The following KLHL33 variants were observed in gnomAD, a reference collection of about 807,000 sequenced individuals.
KLHL33 encodes kelch like family member 33, also known as kelch-like protein 33.
Under a neutral mutation model 60.8 loss-of-function variants are expected in KLHL33, and 46 were observed. The observed-to-expected ratio is 0.76, with a 90% CI of 0.60 to 0.97. The LOEUF (loss-of-function observed/expected upper bound fraction) is 0.97. Among genes scored for constraint, KLHL33 ranks in the 50% least tolerant of loss-of-function variants. KLHL33 has a pLI of 0.00. For synonymous variants in KLHL33, 434 were observed against 432.2 expected, an observed-to-expected ratio of 1.00 and a Z score of -0.05; for missense variants, 1,055 against 1,000.0, an observed-to-expected ratio of 1.05 and a Z score of -0.74.
At position 20,427,725 on chromosome 14, in the gene KLHL33, G is replaced by A. The variant is rs190421534; in HGVS notation, c.*1124C>T. 1.5e-4 allele frequency: 23 copies of A among 152,202 alleles called. No individual in the cohort carries two copies. Among genetic ancestry groups the A allele is most frequent in the Admixed American group, 1.1e-3 (17 of 15,286 alleles). 9.4% of individuals were successfully genotyped at this position (152,202 alleles called of 1,614,324 possible). ...GGAGCTCTCTGACCTCTGTATCTTG[G>A]TGCCTCCTACAGTGCCTGCCACACA... On this transcript the variant is annotated 3_prime_UTR_variant, in exon 5 of 5. Coordinates refer to ENST00000636854, the MANE Select transcript of KLHL33 (RefSeq NM_001365790.2).
intron 1 of KLHL33, 37 bp from the exon 2 acceptor site, chr14:20,435,867 A>T (rs1880679910): frequency 8.1e-7 from 1 of 1,230,812 alleles, no homozygotes; most frequent in African/African-American, 1.6e-5. Flanking sequence ...CTGGCGTCAG[A>T]GCTGGGCCCA....
chr14:20,429,716 G>T, intron 3 of KLHL33, 47 bp from the exon 4 acceptor site: 1 of 1,537,392 alleles, frequency 6.5e-7, no homozygotes, highest in Non-Finnish European at 8.8e-7. Flanking sequence ...CTGGGCATCC[G>T]TGGTTGGCTA....
rs904584396 is a variant in KLHL33, at chr14:20,427,844, CACCTGACT to C, written c.*997_*1004del. 2 of 152,294 alleles carry C rather than the reference CACCTGACT, an allele frequency of 1.3e-5. No homozygotes were observed. Among genetic ancestry groups the C allele is most frequent in the Admixed American group, 6.5e-5 (1 of 15,272 alleles). 9.4% of individuals were successfully genotyped at this position (152,294 alleles called of 1,614,324 possible). A position where few individuals can be genotyped will look rare whatever the true frequency, so the allele number is the denominator to read the frequency against. ...GATGGGGGAAGAGAGAAAGAGGAAG[CACCTGACT>C]ACCTTCCCTGGCCAAGATAAAGGGA... On this transcript the variant is annotated 3_prime_UTR_variant, in exon 5 of 5. Coordinates refer to ENST00000636854, the MANE Select transcript of KLHL33 (RefSeq NM_001365790.2).
rs771468114 is a variant in KLHL33, at chr14:20,428,844, C to T, written c.*5G>A. 1,686 of 1,547,460 alleles carry T rather than the reference C, an allele frequency of 1.1e-3. No homozygotes were observed. Among genetic ancestry groups the T allele is most frequent in the Non-Finnish European group, 1.4e-3 (1,566 of 1,143,870 alleles). On this transcript the variant is annotated 3_prime_UTR_variant, in exon 5 of 5. Transcript: ENST00000636854. ...CTCCTCTCCCCATACACTGTTGCTC[C>T]CTCTTCACCCAGCAGGTTTGGTTTG...
At position 20,429,342 on chromosome 14, in the gene KLHL33, T is replaced by A; in HGVS notation, c.1901A>T (p.Gln634Leu). Residue 634 changes from glutamine (Q) to leucine (L), a missense_variant, in exon 5 of 5, where the codon CAG (glutamine) becomes CTG (leucine). Coordinates refer to ENST00000636854, the MANE Select transcript of KLHL33 (RefSeq NM_001365790.2). ...ACCACAGCCACCGCTCACGTACAAC[T>A]GGCCCTCCAAAATCGCAGCTGCGTG... is the stretch of plus-strand genomic sequence containing the variant. ...FAHAAAILEG[Q>L]LYVSGGCGGT... 6.4e-7 allele frequency: 1 copy of A among 1,551,730 alleles called. No homozygotes were observed. The highest frequency in any genetic ancestry group is 8.7e-7 in the Non-Finnish European group (1 of 1,146,998).
rs573523834 is a variant in KLHL33 at position 20,430,528 on chromosome 14, C to T, written c.940G>A (p.Ala314Thr). 2.5e-5 allele frequency: 39 copies of T among 1,544,880 alleles called. No homozygotes were observed. Among genetic ancestry groups the T allele is most frequent in the Non-Finnish European group, 3.1e-5 (36 of 1,147,030 alleles). Residue 314 changes from alanine (A) to threonine (T), a missense_variant, in exon 3 of 5, where the codon GCT becomes ACT. Physicochemically the swap from Ala to Thr is moderately conservative, Grantham distance 58. Transcript: ENST00000636854. Reference sequence around the variant, plus strand: ...CAGGAAGAGCTCTGGTACTGCAGAGCAGCCTGGGCAGCTCTCAGTAGCCCT... The same window carrying T: ...CAGGAAGAGCTCTGGTACTGCAGAGTAGCCTGGGCAGCTCTCAGTAGCCCT... ...WPGLLRAAQA[A>T]LQYQSSSCLD...
chr14:20,428,999 G>T lies in KLHL33; in HGVS notation c.2244C>A (p.Ile748=). ...GGCCCAGGCCAGGACAGTAGGCATG[G>T]ATAAGGTGAGAGAGGGCATAAGTAC... The part of the protein sequence containing the change: ...SHRTYALSHL[I]HAYCPGLGRW... The change falls in exon 5 of 5, where the codon ATC becomes ATA. Residue 748 remains isoleucine (I), a synonymous_variant. Transcript: ENST00000636854. 1 of 1,551,716 alleles carries T rather than the reference G, an allele frequency of 6.4e-7. No individual in the cohort carries two copies. Among genetic ancestry groups the T allele is most frequent in the Non-Finnish European group, 8.7e-7 (1 of 1,146,984 alleles).
Position 20,435,361 on chromosome 14 carries a change from G to C in KLHL33, c.451C>G (p.Pro151Ala). ...RLLGGGGPRP[P>A]FSLEVSPGGW... ...CCTGGGGACACCTCGAGGCTGAAGG[G>C]GGGCCGCGGACCTCCGCCGCCCAGC... The change falls in exon 2 of 5, where the codon CCC becomes GCC. Residue 151 changes from proline (P) to alanine (A), a missense_variant. Coordinates refer to ENST00000636854, the MANE Select transcript of KLHL33 (RefSeq NM_001365790.2). The C allele has an allele frequency of 4.1e-6, 5 of 1,234,294 alleles. No homozygotes were observed. Among genetic ancestry groups the C allele is most frequent in the Non-Finnish European group, 5.1e-6 (5 of 988,118 alleles). 76.5% of individuals were successfully genotyped at this position (1,234,294 alleles called of 1,614,324 possible). A position where few individuals can be genotyped will look rare whatever the true frequency, so the allele number is the denominator to read the frequency against.
chr14:20,432,926 A>AAAAGAAAGAAAGTAAG (rs1880556055), intron 2 of KLHL33, among the ~76,000 whole-genome samples: 1 of 104,672 alleles, frequency 9.6e-6, no homozygotes, highest in African/African-American at 3.8e-5. Context: ...CATCTCAAAA[A>AAAAGAAAGAAAGTAAG]AAAGAAAGAA....
In KLHL33 at chr14:20,430,658, C is replaced by T. The variant is rs1443425198; in HGVS notation, c.810G>A (p.Met270Ile). ...EFFGAMLLSGMRESQGTEVSL... is the reference protein window; with the variant it reads ...EFFGAMLLSGIRESQGTEVSL... ...ATACCTCTGTGCCCTGGGATTCCCT[C>T]ATCCCGCTCAGGAGCATGGCCCCAA... Residue 270 changes from methionine to isoleucine, a missense_variant, in exon 3 of 5, where the codon ATG becomes ATA. By Grantham distance (10) the Met-to-Ile change is conservative (BLOSUM62 1). Transcript: ENST00000636854. 1 of 1,535,022 alleles carries T rather than the reference C, an allele frequency of 6.5e-7. No homozygotes were observed.
chr14:20,430,193 ACATCGCAGCAGGG>A lies in KLHL33; in HGVS notation c.1262_1274del (p.Ala421ValfsTer24). ...TGGTGGACATGCGGCCAAAGCGGAC[ACATCGCAGCAGGG>A]CCTTGGCCTCTGACTCCTGGGTCTC... is the stretch of plus-strand genomic sequence containing the variant. On this transcript the variant is annotated frameshift_variant, in exon 3 of 5. Coordinates refer to ENST00000636854, the MANE Select transcript of KLHL33 (RefSeq NM_001365790.2). LOFTEE classifies it high-confidence loss of function. 6.4e-7 allele frequency: 1 copy of A among 1,551,558 alleles called. No homozygotes were observed. The highest frequency in any genetic ancestry group is 8.7e-7 in the Non-Finnish European group (1 of 1,146,984).
chr14:20,429,284 G>A lies in KLHL33; in HGVS notation c.1959C>T (p.His653=). 6.4e-7 allele frequency: 1 copy of A among 1,551,716 alleles called. No individual in the cohort carries two copies. Among genetic ancestry groups the A allele is most frequent in the Non-Finnish European group, 8.7e-7 (1 of 1,147,016 alleles). The part of the protein sequence containing the change: ...GTGQYLASLM[H]YDPKLEKPGT... ...CTGGCTTCTCAAGTTTGGGGTCATAGTGCATCAGTGAGGCCAGGTATTGGC... is the reference window on the plus strand; with the variant it reads ...CTGGCTTCTCAAGTTTGGGGTCATAATGCATCAGTGAGGCCAGGTATTGGC... Residue 653 remains histidine, a synonymous_variant, in exon 5 of 5, where the codon CAC becomes CAT. Transcript: ENST00000636854.
At position 20,435,359 on chromosome 14, in the gene KLHL33, G is replaced by A; in HGVS notation, c.453C>T (p.Pro151=). ...CCCCTGGGGACACCTCGAGGCTGAA[G>A]GGGGGCCGCGGACCTCCGCCGCCCA... ...RLLGGGGPRP[P]FSLEVSPGGW... is the part of the protein sequence containing the mutation. Residue 151 remains proline, a synonymous_variant, in exon 2 of 5, where the codon CCC becomes CCT. Coordinates refer to ENST00000636854, the MANE Select transcript of KLHL33 (RefSeq NM_001365790.2). 5 of 1,234,304 alleles carry A rather than the reference G, an allele frequency of 4.1e-6. No homozygotes were observed. Among genetic ancestry groups the A allele is most frequent in the Non-Finnish European group, 5.1e-6 (5 of 988,122 alleles). The allele number at this position is 1,234,304 out of a possible 1,614,324, so 76.5% of individuals were successfully genotyped here.
rs1207531968 is a variant in KLHL33, at chr14:20,425,908, T to C, written c.*2941A>G. 1 of 152,202 alleles carries C rather than the reference T, an allele frequency of 6.6e-6. No individual in the cohort carries two copies. Among genetic ancestry groups the C allele is most frequent in the East Asian group, 1.9e-4 (1 of 5,208 alleles). The allele number at this position is 152,202 out of a possible 1,614,324, so 9.4% of individuals were successfully genotyped here. ...GCCTTTAGGTACAAATCACAAAAAA[T>C]GTTCATAGAAGTTCATCCAGAGAGC... is the stretch of plus-strand genomic sequence containing the variant. On this transcript the variant is annotated 3_prime_UTR_variant, in exon 5 of 5. Transcript: ENST00000636854.
chr14:20,429,935 A>G lies in KLHL33; in HGVS notation c.1533T>C (p.Thr511=), dbSNP rs1379295479. The G allele has an allele frequency of 6.4e-7, 1 of 1,551,592 alleles. No homozygotes were observed. The highest frequency in any genetic ancestry group is 8.7e-7 in the Non-Finnish European group (1 of 1,147,010). ...GGGCAGGCAGCTGCCCCCACTCAACAGTTCGTACCAGTCCCACGCCACAGC... is the reference window on the plus strand; with the variant it reads ...GGGCAGGCAGCTGCCCCCACTCAACGGTTCGTACCAGTCCCACGCCACAGC... ...AFRCGVGLVR[T]VEWGQLPALP... The change falls in exon 3 of 5, where the codon ACT becomes ACC. Residue 511 remains threonine (T), a synonymous_variant. Coordinates refer to ENST00000636854, the MANE Select transcript of KLHL33 (RefSeq NM_001365790.2).
rs1566499211 is a variant in KLHL33, at chr14:20,429,544, A to G, written c.1799T>C (p.Leu600Pro). The G allele has an allele frequency of 6.4e-7, 1 of 1,552,230 alleles. No individual in the cohort carries two copies. ...AGGGTTGTAGGTCTCCACAGAGTCC[A>G]GGGCAACATCATTGTGTCTTCCACC... ...ALGGRHNDVA[L>P]DSVETYNPEL... The change falls in exon 4 of 5, where the codon CTG becomes CCG. Residue 600 changes from leucine (L) to proline (P), a missense_variant. Leu to Pro is a moderately conservative substitution (Grantham distance 98). Transcript: ENST00000636854.
At position 20,430,464 on chromosome 14, in the gene KLHL33, C is replaced by A. The variant is rs1880471948; in HGVS notation, c.1004G>T (p.Ser335Ile). The part of the protein sequence containing the change: ...LCQKGLARGL[S>I]PARCLALFPM... ...GAACAGGGCCAGGCAACGGGCAGGG[C>A]TGAGGCCCCGTGCCAAGCCTTTCTG... is the stretch of plus-strand genomic sequence containing the variant. The change falls in exon 3 of 5, where the codon AGC becomes ATC. Residue 335 changes from serine (S) to isoleucine (I), a missense_variant. Coordinates refer to ENST00000636854, the MANE Select transcript of KLHL33 (RefSeq NM_001365790.2). The A allele has an allele frequency of 4.5e-6, 7 of 1,551,300 alleles. No individual in the cohort carries two copies. In the African/African-American group the frequency reaches 5.5e-5, roughly 12 times the overall value.
intron 2 of KLHL33, among the ~76,000 whole-genome samples, chr14:20,434,539 T>C (rs1272450064): frequency 2.1e-5 from 2 of 94,544 alleles, no homozygotes; most frequent in Non-Finnish European, 4.3e-5. Flanking sequence ...AGATGCTGTC[T>C]CAGAAAAAAA....
Position 20,435,290 on chromosome 14 carries a change from G to A in KLHL33, c.522C>T (p.Gly174=). ...CCAGCACATCCCCCTGCGAGGCGGGGCCCAGCACCCCCTCATAGGCAAAGG... is the reference window on the plus strand; with the variant it reads ...CCAGCACATCCCCCTGCGAGGCGGGACCCAGCACCCCCTCATAGGCAAAGG... ...VLTFAYEGVL[G]PASQGDVLAA... is the part of the protein sequence containing the mutation. Residue 174 remains glycine, a synonymous_variant, in exon 2 of 5, where the codon GGC becomes GGT. Coordinates refer to ENST00000636854, the MANE Select transcript of KLHL33 (RefSeq NM_001365790.2). 1 of 1,234,422 alleles carries A rather than the reference G, an allele frequency of 8.1e-7. No homozygotes were observed. The highest frequency in any genetic ancestry group is 4.1e-5 in the South Asian group (1 of 24,414). 76.5% of individuals were successfully genotyped at this position (1,234,422 alleles called of 1,614,324 possible).
Sources: gnomAD v4.1 joint callset for allele counts (sites outside exome capture counted in the v4.1 genomes callset) on GRCh38, gnomAD v4.1.1 for gene constraint, MANE v1.5 for transcripts, NCBI Gene and HGNC (gene_info 2026-07-23, HGNC 2026-07-21) for gene names.